ROBO2: variants seen among roughly 807,000 people sequenced by gnomAD.
The protein encoded by ROBO2 is roundabout guidance receptor 2.
A neutral mutation model predicts 160.8 loss-of-function variants in ROBO2; 53 were observed. The observed-to-expected ratio is 0.33, with a 90% confidence interval of 0.26 to 0.41. The LOEUF is 0.41. Ranked by LOEUF, ROBO2 falls within the 10% of genes least tolerant of loss-of-function variation. The pLI is 1.00. For missense variants in ROBO2, 1,577 were observed against 1,722.4 expected, an observed-to-expected ratio of 0.92 and a Z score of 1.49; for synonymous variants, 664 against 611.7, an observed-to-expected ratio of 1.09 and a Z score of -1.26.
intron 2 of ROBO2, among the ~76,000 whole-genome samples, chr3:77,176,654 C>T (rs2080189964): frequency 6.6e-6 from 1 of 151,890 alleles, no homozygotes; most frequent in South Asian, 2.1e-4. Flanking sequence ...CTCACTAGAG[C>T]CACACATGCT....
intron 2 of ROBO2, among the ~76,000 whole-genome samples, chr3:76,705,183 A>T (rs999035011): frequency 6.6e-6 from 1 of 152,094 alleles, no homozygotes; most frequent in African/African-American, 2.4e-5. Context: ...ATCTCTGTGT[A>T]TGTTGTACTT....
intron 2 of ROBO2, among the ~76,000 whole-genome samples, chr3:77,145,924 G>A (rs1447164630): frequency 3.3e-5 from 5 of 152,138 alleles, no homozygotes; most frequent in Non-Finnish European, 4.4e-5. Context: ...GAGTTTCTGA[G>A]GTGATGCTGT....
chr3:77,078,799 A>G (rs2068300982), intron 1 of ROBO2, among the ~76,000 whole-genome samples: 1 of 152,204 alleles, frequency 6.6e-6, no homozygotes, highest in African/African-American at 2.4e-5. Context: ...GCAACTCACC[A>G]GTGCTACCAG....
At chr3:77,437,683 G>A (rs910893838) in intron 2 of ROBO2, among the ~76,000 whole-genome samples, 1 of 151,954 alleles carries the variant, frequency 6.6e-6, no homozygotes, top group African/African-American at 2.4e-5. Flanking sequence ...ATAAGTGAGA[G>A]AATTTGACAT....
chr3:77,586,770 T>G (rs1312175059), intron 16 of ROBO2, among the ~76,000 whole-genome samples: 1 of 150,864 alleles, frequency 6.6e-6, no homozygotes, highest in Non-Finnish European at 1.5e-5. Context: ...ACCAGATAGG[T>G]GTATGTCTCA....
intron 2 of ROBO2, among the ~76,000 whole-genome samples, chr3:77,121,091 C>T (rs1255721333): frequency 6.6e-6 from 1 of 152,028 alleles, no homozygotes; most frequent in Non-Finnish European, 1.5e-5. Context: ...ATTACAGGCA[C>T]CTGCCACCAT....
chr3:77,451,247 A>C (rs2081081277), intron 2 of ROBO2, among the ~76,000 whole-genome samples: 2 of 152,074 alleles, frequency 1.3e-5, no homozygotes, highest in African/African-American at 4.8e-5. Context: ...TTTCTATTTA[A>C]TTTGTTTGAA....
intron 2 of ROBO2, among the ~76,000 whole-genome samples, chr3:77,143,827 G>A (rs1445804369): frequency 6.6e-6 from 1 of 151,036 alleles, no homozygotes; most frequent in Non-Finnish European, 1.5e-5. Context: ...ATATTTTTTA[G>A]TATTCTGGTG....
chr3:76,879,978 A>C (rs2073169029), intron 2 of ROBO2, among the ~76,000 whole-genome samples: 1 of 152,176 alleles, frequency 6.6e-6, no homozygotes, highest in African/African-American at 2.4e-5. Context: ...AGACAAAGAA[A>C]AATAATAGAA....
At chr3:76,606,247 C>T (rs2087644199) in intron 2 of ROBO2, among the ~76,000 whole-genome samples, 1 of 152,170 alleles carries the variant, frequency 6.6e-6, no homozygotes, top group African/African-American at 2.4e-5. Context: ...CAATCCCCTG[C>T]CTCAGTGTAG....
intron 2 of ROBO2, among the ~76,000 whole-genome samples, chr3:76,126,023 C>T (rs566549468): frequency 6.6e-6 from 1 of 152,136 alleles, no homozygotes; most frequent in East Asian, 1.9e-4. Context: ...GACGAGGTTT[C>T]ACCATGTCTC....
At chr3:77,190,764 A>T (rs1345381775) in intron 2 of ROBO2, among the ~76,000 whole-genome samples, 1 of 152,074 alleles carries the variant, frequency 6.6e-6, no homozygotes. Context: ...CTGGTCTATG[A>T]GGAATGTGAA....
chr3:76,796,788 GC>G (rs912386331), intron 2 of ROBO2, among the ~76,000 whole-genome samples: 1 of 151,908 alleles, frequency 6.6e-6, no homozygotes, highest in Non-Finnish European at 1.5e-5. Context: ...CCAAAGAAGA[GC>G]AGGTATATCT....
chr3:76,386,971 C>A (rs914299841), intron 2 of ROBO2, among the ~76,000 whole-genome samples: 5 of 152,122 alleles, frequency 3.3e-5, no homozygotes, highest in African/African-American at 1.2e-4. Context: ...ACTCCTGCTG[C>A]TATAACAAAA....
At chr3:75,907,602 A>G (rs1260796367) in intron 1 of ROBO2, among the ~76,000 whole-genome samples, 1 of 152,142 alleles carries the variant, frequency 6.6e-6, no homozygotes, top group East Asian at 1.9e-4. Context: ...TTTGTTGCAA[A>G]TTTGATACCT....
intron 2 of ROBO2, among the ~76,000 whole-genome samples, chr3:76,527,947 G>T (rs538987101): frequency 6.6e-6 from 1 of 152,058 alleles, no homozygotes; most frequent in South Asian, 2.1e-4. Flanking sequence ...GTCAGATTTG[G>T]GGAATACCCT....
chr3:75,937,376 A>G (rs1459756805), intron 1 of ROBO2: 6 of 478,690 alleles, frequency 1.3e-5, no homozygotes, highest in African/African-American at 4.0e-5. Flanking sequence ...AAGCAGGATA[A>G]TTCAGAAATG....
In ROBO2 at chr3:76,434,158, C is replaced by T. The variant is rs2076561443; in HGVS notation, c.109+496556C>T. On this transcript the variant is annotated intron_variant, in intron 2 of 26. Transcript: ENST00000487694. Reference sequence around the variant, plus strand: ...GCATTTGACTCACTGCTTGCTGGTCCTGTGGCAGAGTATTTGAAGATCAGT... The same window carrying T: ...GCATTTGACTCACTGCTTGCTGGTCTTGTGGCAGAGTATTTGAAGATCAGT... 5 of 1,169,998 alleles carry T rather than the reference C, an allele frequency of 4.3e-6. No homozygotes were observed. In the Admixed American group the frequency reaches 5.0e-5, roughly 12 times the overall value. 72.5% of individuals were successfully genotyped at this position (1,169,998 alleles called of 1,614,324 possible). A position where few individuals can be genotyped will look rare whatever the true frequency, so the allele number is the denominator to read the frequency against.
At chr3:77,342,126 A>G (rs1012230858) in intron 2 of ROBO2, among the ~76,000 whole-genome samples, 9 of 152,194 alleles carry the variant, frequency 5.9e-5, no homozygotes, top group African/African-American at 2.2e-4. Flanking sequence ...CTAGTATGGT[A>G]CAATTATACA....
Sources: allele counts gnomAD v4.1 joint callset (sites outside exome capture counted in the v4.1 genomes callset), GRCh38; gene constraint gnomAD v4.1.1; transcripts MANE v1.5; gene names NCBI Gene and HGNC (gene_info 2026-07-23, HGNC 2026-07-21).